PITPNC1: variants seen among roughly 807,000 people sequenced by gnomAD.
PITPNC1 encodes cytoplasmic phosphatidylinositol transfer protein 1.
In PITPNC1, 18 loss-of-function variants were observed where a neutral mutation model predicts 44.7. That is an observed-to-expected ratio of 0.40 (90% CI 0.28 to 0.60). The LOEUF is 0.60. PITPNC1 is among the 20% of genes least tolerant of loss of function. The pLI is 0.39. For synonymous variants in PITPNC1, 141 were observed against 149.6 expected (o/e 0.94, Z 0.42); for missense variants, 290 against 418.4 (o/e 0.69, Z 2.68).
At chr17:67,399,203 C>G (rs570404575) in intron 1 of PITPNC1, among the ~76,000 whole-genome samples, 2 of 151,930 alleles carry the variant, frequency 1.3e-5, no homozygotes, top group South Asian at 2.1e-4. Flanking sequence ...TTAGTAGAGA[C>G]GGGGTTTCAC....
chr17:67,406,146 T>A (rs1051577292), intron 1 of PITPNC1, among the ~76,000 whole-genome samples: 2 of 152,172 alleles, frequency 1.3e-5, no homozygotes, highest in African/African-American at 4.8e-5. Flanking sequence ...TCTTTTCCCT[T>A]TTTGGAGAAT....
intron 6 of PITPNC1, among the ~76,000 whole-genome samples, chr17:67,634,993 G>T (rs971156645): frequency 1.3e-5 from 2 of 152,170 alleles, no homozygotes; most frequent in Non-Finnish European, 2.9e-5. Flanking sequence ...GACTCAGGAG[G>T]CTGAGGTTGA....
At chr17:67,588,188 G>A (rs1177634104) in intron 5 of PITPNC1, among the ~76,000 whole-genome samples, 3 of 152,038 alleles carry the variant, frequency 2.0e-5, no homozygotes, top group Non-Finnish European at 4.4e-5. Context: ...ATTTTTAGTA[G>A]AGACGGGATT....
Position 67,693,004 on chromosome 17 carries a change from T to C in PITPNC1, c.*116T>C, listed in dbSNP as rs1294101228. On this transcript the variant is annotated 3_prime_UTR_variant, in exon 9 of 9. Coordinates refer to ENST00000581322, the MANE Select transcript of PITPNC1 (RefSeq NM_012417.4). ...GTCACTCAAACATGTTCCTTCGACCTTTCAGTGTGCATGTGACTCAGTAAC... is the reference window on the plus strand; with the variant it reads ...GTCACTCAAACATGTTCCTTCGACCCTTCAGTGTGCATGTGACTCAGTAAC... 2 of 677,548 alleles carry C rather than the reference T, an allele frequency of 3.0e-6. No individual in the cohort carries two copies. Among genetic ancestry groups the C allele is most frequent in the Non-Finnish European group, 5.1e-6 (2 of 394,228 alleles). The allele number at this position is 677,548 out of a possible 1,614,324, so 42.0% of individuals were successfully genotyped here.
chr17:67,678,170 C>T (rs145836875), intron 8 of PITPNC1, among the ~76,000 whole-genome samples: 18 of 150,466 alleles, frequency 1.2e-4, no homozygotes, highest in African/African-American at 4.2e-4. Context: ...GAGCTATGAT[C>T]GCAGCACTGC....
chr17:67,587,521 T>G (rs955109030), intron 5 of PITPNC1, among the ~76,000 whole-genome samples: 3 of 152,022 alleles, frequency 2.0e-5, no homozygotes, highest in African/African-American at 7.2e-5. Flanking sequence ...AAGTTGCATA[T>G]GCATATGAAT....
intron 5 of PITPNC1, among the ~76,000 whole-genome samples, chr17:67,631,657 A>AATATATATATATATATATATATATAT (rs1555574521): frequency 2.0e-3 from 15 of 7,666 alleles, no homozygotes; most frequent in Non-Finnish European, 2.7e-3. Flanking sequence ...AAAAAAAAAA[A>AATATATATATATATATATATATATAT]ATATATATAT....
At chr17:67,456,198 A>G (rs2039252502) in intron 1 of PITPNC1, among the ~76,000 whole-genome samples, 1 of 152,186 alleles carries the variant, frequency 6.6e-6, no homozygotes, top group East Asian at 1.9e-4. Flanking sequence ...GCTTTTACTG[A>G]TATTAATATA....
intron 5 of PITPNC1, among the ~76,000 whole-genome samples, chr17:67,617,700 C>T (rs1011512522): frequency 4.6e-5 from 7 of 152,094 alleles, no homozygotes; most frequent in African/African-American, 1.4e-4. Flanking sequence ...TGGCTCCAGG[C>T]GTTTCTTGGC....
chr17:67,425,189 G>GCGCGCA (rs1202542632), intron 1 of PITPNC1, among the ~76,000 whole-genome samples: 10 of 41,608 alleles, frequency 2.4e-4, no homozygotes, highest in Non-Finnish European at 4.3e-4. Flanking sequence ...CATGTTGTGC[G>GCGCGCA]CGCGCACGCA....
rs138506530 is a variant in PITPNC1, at chr17:67,510,295, G to A, written c.49-22507G>A. 3.4e-3 allele frequency among the ~76,000 whole-genome samples: 513 copies of A among 152,324 alleles called. 5 individuals are homozygous for A. Among genetic ancestry groups the A allele is most frequent in the African/African-American group, 0.012 (495 of 41,570 alleles). On this transcript the variant is annotated intron_variant, in intron 1 of 8. Transcript: ENST00000581322. ...TCTGTCTGCAGATCTGGGAATCAGA[G>A]CCCCCTCTGGCTTCTTTGGCCACCA...
rs1238487575 is a variant in PITPNC1, at chr17:67,666,150, T to TTTTTTG, written c.463-3354_463-3353insTGTTTT. ...GAGCCACCGTGCCTGGCCAAGTGTT[T>TTTTTTG]TTTTGTTTTGTTTTGTTTTGTTTTT... On this transcript the variant is annotated intron_variant, in intron 6 of 8. Transcript: ENST00000581322. Among the ~76,000 whole-genome samples, 9 of 151,384 alleles carry TTTTTTG rather than the reference T, an allele frequency of 5.9e-5. No individual in the cohort carries two copies. In the South Asian group the frequency reaches 1.0e-3, roughly 18 times the overall value.
intron 4 of PITPNC1, among the ~76,000 whole-genome samples, chr17:67,566,635 C>CAA (rs2040984782): frequency 6.6e-6 from 1 of 152,230 alleles, no homozygotes; most frequent in East Asian, 1.9e-4. Flanking sequence ...CAATGAATTT[C>CAA]TGAAATGAAT....
chr17:67,457,637 C>G (rs1276865302), intron 1 of PITPNC1: 2 of 152,412 alleles, frequency 1.3e-5, no homozygotes, highest in Admixed American at 6.5e-5. Flanking sequence ...ATCCGCCCGC[C>G]TGGGCCTCCT....
At chr17:67,386,291 C>T (rs1598602716) in intron 1 of PITPNC1, among the ~76,000 whole-genome samples, 1 of 152,318 alleles carries the variant, frequency 6.6e-6, no homozygotes, top group East Asian at 1.9e-4. Context: ...TCCCAGGTTT[C>T]AAGGGGTTCT....
At chr17:67,640,990 A>C (rs898328887) in intron 6 of PITPNC1, among the ~76,000 whole-genome samples, 4 of 148,836 alleles carry the variant, frequency 2.7e-5, no homozygotes, top group Admixed American at 1.3e-4. Context: ...ACCCTGTCTC[A>C]AAAAAAAAAG....
chr17:67,614,433 G>A (rs1474489849), intron 5 of PITPNC1, among the ~76,000 whole-genome samples: 3 of 152,128 alleles, frequency 2.0e-5, no homozygotes, highest in Non-Finnish European at 2.9e-5. Flanking sequence ...CACTTTGGGA[G>A]GCCAAGGTGG....
At chr17:67,410,766 T>C (rs1466048782) in intron 1 of PITPNC1, among the ~76,000 whole-genome samples, 3 of 152,038 alleles carry the variant, frequency 2.0e-5, no homozygotes, top group Non-Finnish European at 4.4e-5. Context: ...TATTGCTCTC[T>C]TAACTAGGGT....
At position 67,555,088 on chromosome 17, in the gene PITPNC1, G is replaced by A. The variant is rs77940942; in HGVS notation, c.294+1471G>A. Among the ~76,000 whole-genome samples the A allele has an allele frequency of 4.3e-3, 660 of 152,236 alleles. 9 individuals carry two copies. The highest frequency in any genetic ancestry group is 0.014 in the African/African-American group (588 of 41,536). ...AATGTCCCTAACTTTGAAAAAAGAG[G>A]CAATTTTATGGCAAAATGCAAATGT... On this transcript the variant is annotated intron_variant, in intron 4 of 8. Transcript: ENST00000581322.
Sources: gnomAD v4.1 joint callset for allele counts (sites outside exome capture counted in the v4.1 genomes callset) on GRCh38, gnomAD v4.1.1 for gene constraint, MANE v1.5 for transcripts, NCBI Gene and HGNC (gene_info 2026-07-23, HGNC 2026-07-21) for gene names.